OR2L13: variants seen among roughly 807,000 people sequenced by gnomAD.
The protein encoded by OR2L13 is olfactory receptor family 2 subfamily L member 13.
OR2L13 carries 14 observed loss-of-function variants against 15.3 expected under a neutral mutation model. That is an observed-to-expected ratio of 0.91 (90% CI 0.60 to 1.43). The LOEUF is 1.43. Ranked by LOEUF, OR2L13 falls within the 40% of genes most tolerant of loss-of-function variation. The pLI is 0.00. For synonymous variants in OR2L13, 152 were observed against 142.9 expected (o/e 1.06, Z -0.45); for missense variants, 367 against 387.9 (o/e 0.95, Z 0.45).
the OR2L13 span, among the ~76,000 whole-genome samples, chr1:248,074,337 G>A: frequency 6.6e-6 from 1 of 151,340 alleles, no homozygotes; most frequent in Non-Finnish European, 1.5e-5. Flanking sequence ...TGATGATGGA[G>A]AGTAATACGA....
At chr1:247,984,526 G>A in the OR2L13 span, among the ~76,000 whole-genome samples, 24 of 152,204 alleles carry the variant, frequency 1.6e-4, no homozygotes, top group African/African-American at 5.8e-4. Context: ...AATTAATGCT[G>A]ATCTTGTACT....
chr1:247,959,792 A>T, the OR2L13 span, among the ~76,000 whole-genome samples: 1 of 152,302 alleles, frequency 6.6e-6, no homozygotes, highest in East Asian at 1.9e-4. Context: ...TTTCAGCTCC[A>T]TCAGGTCTTT....
chr1:248,038,522 G>A, the OR2L13 span: 10 of 1,613,990 alleles, frequency 6.2e-6, no homozygotes, highest in Non-Finnish European at 8.5e-6. Flanking sequence ...ATGATTTTCT[G>A]TATGGAAACA....
chr1:247,957,981 T>C, the OR2L13 span, among the ~76,000 whole-genome samples: 1 of 152,210 alleles, frequency 6.6e-6, no homozygotes, highest in Non-Finnish European at 1.5e-5. Context: ...TGCCTTCTGC[T>C]AGCTTTTGAA....
At chr1:247,965,415 A>G in the OR2L13 span, 24 of 1,612,476 alleles carry the variant, frequency 1.5e-5, no homozygotes, top group African/African-American at 3.1e-4. Flanking sequence ...CAGATTTTCT[A>G]CTTGTTGGTC....
At chr1:247,991,450 A>T in the OR2L13 span, among the ~76,000 whole-genome samples, 4 of 149,294 alleles carry the variant, frequency 2.7e-5, no homozygotes, top group African/African-American at 1.0e-4. Flanking sequence ...GTGATCTATT[A>T]AAAGTTTACC....
the OR2L13 span, chr1:247,948,952 T>A: frequency 6.2e-7 from 1 of 1,613,946 alleles, no homozygotes. Flanking sequence ...CTCATTGTTT[T>A]CATTTTCCTG....
At chr1:247,984,987 TG>T in the OR2L13 span, among the ~76,000 whole-genome samples, 1 of 152,200 alleles carries the variant, frequency 6.6e-6, no homozygotes, top group Non-Finnish European at 1.5e-5. Flanking sequence ...ATACAATATT[TG>T]CCTCTTCATG....
At chr1:248,075,615 AT>A in the OR2L13 span, among the ~76,000 whole-genome samples, 33 of 152,188 alleles carry the variant, frequency 2.2e-4, no homozygotes, top group East Asian at 6.4e-3. Flanking sequence ...GATGATGAGC[AT>A]TTTTTCATTT....
At chr1:247,980,396 A>G in the OR2L13 span, among the ~76,000 whole-genome samples, 36 of 152,198 alleles carry the variant, frequency 2.4e-4, no homozygotes, top group African/African-American at 8.7e-4. Context: ...TCTAAAACTT[A>G]CTGCCAGTAT....
At chr1:247,990,507 G>T in the OR2L13 span, 2 of 1,575,994 alleles carry the variant, frequency 1.3e-6, no homozygotes, top group Non-Finnish European at 1.7e-6. Context: ...TCCTAAGATG[G>T]TTTATGATTT....
the OR2L13 span, among the ~76,000 whole-genome samples, chr1:248,076,151 G>A: frequency 6.6e-6 from 1 of 151,976 alleles, no homozygotes; most frequent in Non-Finnish European, 1.5e-5. Flanking sequence ...AAGATCAGAT[G>A]GTTGTAGATG....
chr1:248,084,732 A>G, the OR2L13 span: 17 of 1,335,018 alleles, frequency 1.3e-5, no homozygotes, highest in Admixed American at 9.5e-5. Context: ...TTTAGACTTC[A>G]TCTCAGACAC....
At chr1:248,078,117 T>C in the OR2L13 span, among the ~76,000 whole-genome samples, 1 of 152,156 alleles carries the variant, frequency 6.6e-6, no homozygotes, top group Admixed American at 6.6e-5. Flanking sequence ...AGAATAAAAT[T>C]ATTGGTAGTG....
chr1:247,955,771 G>A, the OR2L13 span, among the ~76,000 whole-genome samples: 54 of 151,982 alleles, frequency 3.6e-4, no homozygotes, highest in African/African-American at 9.9e-4. Context: ...CATATTCTTC[G>A]CCTGCTTTTT....
chr1:248,055,120 CCT>C, the OR2L13 span, among the ~76,000 whole-genome samples: 1 of 152,018 alleles, frequency 6.6e-6, no homozygotes, highest in Non-Finnish European at 1.5e-5. Flanking sequence ...TCCTTAAATA[CCT>C]AATTTGTTGA....
the OR2L13 span, among the ~76,000 whole-genome samples, chr1:248,044,827 A>AC: frequency 1.2e-5 from 1 of 83,162 alleles, no homozygotes; most frequent in East Asian, 4.2e-4. Flanking sequence ...AAAAAAAAAA[A>AC]AAAAAAAAAA....
the OR2L13 span, among the ~76,000 whole-genome samples, chr1:248,000,400 T>G: frequency 6.6e-6 from 1 of 152,134 alleles, no homozygotes; most frequent in Non-Finnish European, 1.5e-5. Flanking sequence ...TTCCTTGTGA[T>G]AAGTAGACTA....
At chr1:247,997,270 T>G in the OR2L13 span, among the ~76,000 whole-genome samples, 5,816 of 152,190 alleles carry the variant, frequency 0.038, 325 homozygotes, top group African/African-American at 0.13. Context: ...AACAAGAAAT[T>G]AGAGAACACT....
Sources: allele counts gnomAD v4.1 joint callset (sites outside exome capture counted in the v4.1 genomes callset), GRCh38; gene constraint gnomAD v4.1.1; transcripts MANE v1.5; gene names NCBI Gene and HGNC (gene_info 2026-07-23, HGNC 2026-07-21).